Variants in TYW1B observed in about 807,000 individuals in gnomAD.
TYW1B encodes the protein S-adenosyl-L-methionine-dependent tRNA 4-demethylwyosine synthase TYW1B.
A neutral mutation model predicts 86.9 loss-of-function variants in TYW1B; 73 were observed. The observed-to-expected ratio is 0.84, with a 90% CI of 0.70 to 1.02. TYW1B has a LOEUF of 1.02. TYW1B is among the 50% of genes least tolerant of loss of function. The pLI is 0.00. For synonymous variants in TYW1B, 248 were observed against 292.8 expected (o/e 0.85, Z 1.56); for missense variants, 637 against 827.4 (o/e 0.77, Z 2.82).
At chr7:72,686,835 C>CTG (rs57895088) in intron 11 of TYW1B, among the ~76,000 whole-genome samples, 122 of 152,138 alleles carry the variant, frequency 8.0e-4, no homozygotes, top group African/African-American at 2.9e-3. Flanking sequence ...TCTGAACCCT[C>CTG]TGCTCAATTT....
intron 8 of TYW1B, among the ~76,000 whole-genome samples, chr7:72,738,555 C>G (rs1384894972): frequency 6.6e-6 from 1 of 152,072 alleles, no homozygotes; most frequent in Non-Finnish European, 1.5e-5. Flanking sequence ...TAGCAACATC[C>G]CCAGCCTCTA....
In TYW1B at chr7:72,753,747, G is replaced by A. The variant is rs1787540903; in HGVS notation, c.965-9146C>T. The stretch of plus-strand genomic sequence containing the variant: ...ACCCATCTCAGCCTCCCAAAGTGCT[G>A]AGATTACAGGCGTGAGCCACTGCGT... On this transcript the variant is annotated intron_variant, in intron 7 of 13. Coordinates refer to ENST00000620995, the MANE Select transcript of TYW1B (RefSeq NM_001145440.3). Among the ~76,000 whole-genome samples the A allele has an allele frequency of 7.2e-5, 11 of 152,240 alleles. No individual in the cohort carries two copies. The South Asian group carries it at 2.1e-3, about 29-fold the overall frequency.
At chr7:72,658,717 A>G (rs557115497) in intron 11 of TYW1B, among the ~76,000 whole-genome samples, 2 of 152,264 alleles carry the variant, frequency 1.3e-5, no homozygotes, top group East Asian at 3.9e-4. Flanking sequence ...ACATAAGACT[A>G]TTTTGTATTG....
intron 6 of TYW1B, among the ~76,000 whole-genome samples, chr7:72,789,194 C>T (rs1403656177): frequency 1.1e-4 from 17 of 151,426 alleles, no homozygotes; most frequent in Admixed American, 2.6e-4. Flanking sequence ...AGTGCAGTGG[C>T]GTAATCTAGG....
chr7:72,694,741 G>C lies in TYW1B; in HGVS notation c.1452C>G (p.Leu484=). Residue 484 remains leucine (L), a synonymous_variant, in exon 11 of 14, where the codon CTC becomes CTG. Coordinates refer to ENST00000620995, the MANE Select transcript of TYW1B (RefSeq NM_001145440.3). ...GGAATTGCTGCCAGAAATCCTTGAA[G>C]AGTGGGCGGTCGATTTTCTTCAGGC... is the stretch of plus-strand genomic sequence containing the variant. ...KDSLKKIDRP[L]FKDFWQQFLD... 1 of 1,613,926 alleles carries C rather than the reference G, an allele frequency of 6.2e-7. No homozygotes were observed. The highest frequency in any genetic ancestry group is 8.5e-7 in the Non-Finnish European group (1 of 1,179,960).
chr7:72,602,168 C>T lies in TYW1B; in HGVS notation c.1785+14504G>A, dbSNP rs142132949. 7.9e-3 allele frequency among the ~76,000 whole-genome samples: 1,198 copies of T among 152,202 alleles called. 10 individuals are homozygous for T. Among genetic ancestry groups the T allele is most frequent in the Non-Finnish European group, 0.012 (836 of 68,018 alleles). On this transcript the variant is annotated intron_variant, in intron 13 of 13. Transcript: ENST00000620995. The stretch of plus-strand genomic sequence containing the variant: ...GGGCATAGAGGGGGAAAGACACTGA[C>T]CTAAGTCATTTTGGAAACGGGTGGA...
At chr7:72,769,521 A>G (rs1364356772) in intron 7 of TYW1B, among the ~76,000 whole-genome samples, 1 of 152,234 alleles carries the variant, frequency 6.6e-6, no homozygotes, top group East Asian at 1.9e-4. Context: ...TGCACCACAG[A>G]AATACAAAAA....
chr7:72,745,446 G>A (rs187870161), intron 7 of TYW1B, among the ~76,000 whole-genome samples: 1 of 152,148 alleles, frequency 6.6e-6, no homozygotes, highest in Non-Finnish European at 1.5e-5. Context: ...CAAATATCAC[G>A]AGTCATATAA....
intron 11 of TYW1B, among the ~76,000 whole-genome samples, chr7:72,679,832 T>C (rs190623817): frequency 6.5e-4 from 99 of 152,242 alleles, no homozygotes; most frequent in African/African-American, 2.2e-3. Flanking sequence ...GAGTGAAGTA[T>C]AAATATGGAA....
chr7:72,593,671 A>T (rs551735518), intron 13 of TYW1B, among the ~76,000 whole-genome samples: 241 of 151,832 alleles, frequency 1.6e-3, no homozygotes, highest in Middle Eastern at 3.4e-3. Context: ...AAATACAAAA[A>T]ATTAGCAGGG....
chr7:72,823,580 A>G (rs1788872361), intron 2 of TYW1B, among the ~76,000 whole-genome samples: 1 of 151,966 alleles, frequency 6.6e-6, no homozygotes. Context: ...AGATCGCGCC[A>G]CTGCACTCCA....
At chr7:72,579,340 T>G (rs1255647329) in intron 13 of TYW1B, among the ~76,000 whole-genome samples, 1 of 152,206 alleles carries the variant, frequency 6.6e-6, no homozygotes, top group East Asian at 1.9e-4. Flanking sequence ...AGCTAAAATC[T>G]GATAACTGAC....
intron 13 of TYW1B, among the ~76,000 whole-genome samples, chr7:72,585,600 A>G (rs1216358734): frequency 6.6e-6 from 1 of 152,140 alleles, no homozygotes; most frequent in Non-Finnish European, 1.5e-5. Flanking sequence ...TAATTGAATC[A>G]TGGAGGAGGG....
At chr7:72,763,930 G>C (rs1043684601) in intron 7 of TYW1B, among the ~76,000 whole-genome samples, 1 of 152,048 alleles carries the variant, frequency 6.6e-6, no homozygotes, top group East Asian at 1.9e-4. Context: ...ATTTCTGTGG[G>C]TATGTTATTG....
intron 8 of TYW1B, among the ~76,000 whole-genome samples, chr7:72,742,428 C>G (rs1554462673): frequency 6.6e-6 from 1 of 152,134 alleles, no homozygotes; most frequent in African/African-American, 2.4e-5. Flanking sequence ...CTGCACCCGG[C>G]CAGTATTTTT....
In TYW1B at chr7:72,636,624, CATAA is replaced by C. The variant is rs1452288694; in HGVS notation, c.1507-7631_1507-7628del. On this transcript the variant is annotated intron_variant, in intron 11 of 13. Coordinates refer to ENST00000620995, the MANE Select transcript of TYW1B (RefSeq NM_001145440.3). The stretch of plus-strand genomic sequence containing the variant: ...TCCTAATTGGCTACAAGATTTTAAT[CATAA>C]ATAAATATTGATTTCTGTCAAATTC... Among the ~76,000 whole-genome samples, 4 of 152,272 alleles carry C rather than the reference CATAA, an allele frequency of 2.6e-5. No homozygotes were observed. The East Asian group carries it at 7.7e-4, about 29-fold the overall frequency.
chr7:72,745,227 T>C (rs1351315402), intron 7 of TYW1B, among the ~76,000 whole-genome samples: 2 of 152,170 alleles, frequency 1.3e-5, no homozygotes, highest in Non-Finnish European at 2.9e-5. Flanking sequence ...TCTCACTATG[T>C]TGCCCAGGCT....
chr7:72,641,153 A>C (rs1299522434), intron 11 of TYW1B, among the ~76,000 whole-genome samples: 1 of 152,088 alleles, frequency 6.6e-6, no homozygotes, highest in Non-Finnish European at 1.5e-5. Context: ...AAAAGTGGAT[A>C]ACCTAAATTA....
At chr7:72,699,654 C>CT (rs1294199708) in intron 10 of TYW1B, among the ~76,000 whole-genome samples, 2,123 of 145,810 alleles carry the variant, frequency 0.015, 56 homozygotes, top group African/African-American at 0.048. Context: ...TTTTTCTTTT[C>CT]TTTTTTTTTT....
Sources: gnomAD v4.1 joint callset for allele counts (sites outside exome capture counted in the v4.1 genomes callset) on GRCh38, gnomAD v4.1.1 for gene constraint, MANE v1.5 for transcripts, NCBI Gene and HGNC (gene_info 2026-07-23, HGNC 2026-07-21) for gene names.